The following RAB3GAP2 variants were observed in gnomAD, a reference collection of about 807,000 sequenced individuals.
RAB3GAP2 encodes RAB3 GTPase activating non-catalytic protein subunit 2, also known as rab3 GTPase-activating protein non-catalytic subunit.
A neutral mutation model predicts 185.3 loss-of-function variants in RAB3GAP2; 87 were observed. That is an observed-to-expected ratio of 0.47 (90% CI 0.39 to 0.56). The LOEUF (loss-of-function observed/expected upper bound fraction) is 0.56, where lower values mean the gene tolerates loss of function less well. Among genes scored for constraint, RAB3GAP2 ranks in the 20% least tolerant of loss-of-function variants. The pLI, the probability that RAB3GAP2 is intolerant of heterozygous loss-of-function variation, is 0.00. For missense variants in RAB3GAP2, 1,492 were observed against 1,638.2 expected (o/e 0.91, Z 1.54); for synonymous variants, 554 against 576.1 (o/e 0.96, Z 0.55).
rs1425697185 is a variant in RAB3GAP2, at chr1:220,148,727, TAAA to T, written c.*2521_*2523del. The T allele has an allele frequency of 1.3e-5, 2 of 151,332 alleles. No homozygotes were observed. Among genetic ancestry groups the T allele is most frequent in the Non-Finnish European group, 2.9e-5 (2 of 67,990 alleles). The allele number at this position is 151,332 out of a possible 1,614,324, so 9.4% of individuals were successfully genotyped here. ...TTTGACCATAGATGAAGTTTTATAA[TAAA>T]AGTAAAACTTTTTTTTTCTGTTTGC... On this transcript the variant is annotated 3_prime_UTR_variant, in exon 35 of 35. Transcript: ENST00000358951.
At chr1:220,253,613 A>G (rs1216679929) in intron 1 of RAB3GAP2, 7 of 1,578,464 alleles carry the variant, frequency 4.4e-6, no homozygotes, top group Non-Finnish European at 2.6e-6. Context: ...CAGGAGGGTG[A>G]GCGAGTGCTG....
chr1:220,249,203 T>C (rs1484851714), intron 1 of RAB3GAP2, among the ~76,000 whole-genome samples: 1 of 152,086 alleles, frequency 6.6e-6, no homozygotes, highest in Non-Finnish European at 1.5e-5. Context: ...TTCTAGAGAC[T>C]TGGGGGCTCA....
At chr1:220,193,172 G>T in intron 13 of RAB3GAP2, 68 bp downstream of exon 13, 1 of 1,568,402 alleles carries the variant, frequency 6.4e-7, no homozygotes, top group Non-Finnish European at 8.8e-7. Flanking sequence ...GCTGAAGGAT[G>T]ATAACATTGC....
intron 1 of RAB3GAP2, among the ~76,000 whole-genome samples, chr1:220,262,610 A>G (rs1660161216): frequency 6.6e-6 from 1 of 152,252 alleles, no homozygotes; most frequent in Non-Finnish European, 1.5e-5. Context: ...AGCATAATTT[A>G]ACAAGGTTCA....
intron 23 of RAB3GAP2, 84 bp downstream of exon 23, chr1:220,171,805 C>A (rs895158288): frequency 1.3e-6 from 2 of 1,530,812 alleles, no homozygotes; most frequent in Non-Finnish European, 1.8e-6. Flanking sequence ...CTCCAAAAAA[C>A]CCCCCGAAAA....
intron 1 of RAB3GAP2, among the ~76,000 whole-genome samples, chr1:220,270,342 G>A (rs1190448634): frequency 1.3e-5 from 2 of 152,216 alleles, no homozygotes; most frequent in African/African-American, 4.8e-5. Context: ...CCTTGAGACT[G>A]AACTGACACT....
intron 21 of RAB3GAP2, among the ~76,000 whole-genome samples, chr1:220,180,686 A>G (rs1426503140): frequency 6.6e-6 from 1 of 152,198 alleles, no homozygotes; most frequent in Non-Finnish European, 1.5e-5. Flanking sequence ...TACTCAAACT[A>G]TTTCACAACA....
chr1:220,237,174 A>G (rs1040248379), intron 1 of RAB3GAP2, among the ~76,000 whole-genome samples: 8 of 152,222 alleles, frequency 5.3e-5, no homozygotes, highest in African/African-American at 1.9e-4. Flanking sequence ...CAACTTCTTT[A>G]GGACAGTCTA....
chr1:220,188,484 G>A (rs1458330771), intron 17 of RAB3GAP2, among the ~76,000 whole-genome samples: 1 of 152,144 alleles, frequency 6.6e-6, no homozygotes, highest in Non-Finnish European at 1.5e-5. Flanking sequence ...GGGAGTAAAA[G>A]AAATCACCAG....
At chr1:220,253,693 T>G in intron 1 of RAB3GAP2, 3 of 1,608,348 alleles carry the variant, frequency 1.9e-6, no homozygotes, top group Non-Finnish European at 1.7e-6. Context: ...ACAAGTGAAA[T>G]ACTTCATACA....
chr1:220,193,188 T>G, intron 13 of RAB3GAP2, 52 bp downstream of exon 13: 1 of 1,598,632 alleles, frequency 6.3e-7, no homozygotes. Context: ...ATTGCTCAAC[T>G]ATTGGGGTAA....
At chr1:220,155,891 TA>T (rs1052175456) in intron 31 of RAB3GAP2, among the ~76,000 whole-genome samples, 1 of 152,212 alleles carries the variant, frequency 6.6e-6, no homozygotes, top group African/African-American at 2.4e-5. Flanking sequence ...TTCTCTTTTT[TA>T]ACTTTTAAGT....
In RAB3GAP2 at chr1:220,164,690, C is replaced by A. The variant is rs747955756; in HGVS notation, c.3154+43G>T. On this transcript the variant is annotated intron_variant, in intron 27 of 34. Transcript: ENST00000358951. Reference sequence around the variant, plus strand: ...CACATCCTGTTAAATCAGGAAGCCTCTTTTAGATCAAACAGTGATGTTTCT... The same window carrying A: ...CACATCCTGTTAAATCAGGAAGCCTATTTTAGATCAAACAGTGATGTTTCT... 3.8e-6 allele frequency: 6 copies of A among 1,578,582 alleles called. No individual in the cohort carries two copies. The African/African-American group carries it at 8.1e-5, about 21-fold the overall frequency.
chr1:220,179,844 C>T (rs1298670088), intron 21 of RAB3GAP2, among the ~76,000 whole-genome samples: 2 of 152,050 alleles, frequency 1.3e-5, no homozygotes, highest in Admixed American at 1.3e-4. Flanking sequence ...CATACTAGAA[C>T]AATGGGATGC....
chr1:220,237,263 A>C (rs1659610687), intron 1 of RAB3GAP2, among the ~76,000 whole-genome samples: 1 of 152,230 alleles, frequency 6.6e-6, no homozygotes, highest in Non-Finnish European at 1.5e-5. Flanking sequence ...ATTTCCGTGA[A>C]AGACTAGACT....
chr1:220,151,056 T>C lies in RAB3GAP2; in HGVS notation c.*195A>G. 1 of 560,842 alleles carries C rather than the reference T, an allele frequency of 1.8e-6. No individual in the cohort carries two copies. Among genetic ancestry groups the C allele is most frequent in the Non-Finnish European group, 3.1e-6 (1 of 322,014 alleles). 34.7% of individuals were successfully genotyped at this position (560,842 alleles called of 1,614,324 possible). On this transcript the variant is annotated 3_prime_UTR_variant, in exon 35 of 35. Transcript: ENST00000358951. ...AGAGTTGACATTTGTTTATATTTTA[T>C]CTTCAGTATTAACCAAAGGAGTGGA...
chr1:220,254,458 T>C (rs890371703), intron 1 of RAB3GAP2: 8 of 1,613,430 alleles, frequency 5.0e-6, no homozygotes, highest in African/African-American at 1.3e-5. Flanking sequence ...TTTCCTAAAG[T>C]ACCTGGCAAA....
rs776486279 is a variant in RAB3GAP2, at chr1:220,193,273, C to A, written c.1237G>T (p.Val413Leu). The stretch of plus-strand genomic sequence containing the variant: ...ATGCGTATTGCAATTCCTCTAGCTA[C>A]ATCCAATAAAATAACTCTGCCGAAA... The part of the protein sequence containing the change: ...DDFGRVILLD[V>L]ARGIAIRMWK... The change falls in exon 13 of 35, where the codon GTA (valine) becomes TTA (leucine). Residue 413 changes from valine to leucine, a missense_variant. Around this residue, in one of 5 missense-constraint regions of RAB3GAP2, gnomAD observed 681 missense variants for 689.1 expected, o/e 0.99. Coordinates refer to ENST00000358951, the MANE Select transcript of RAB3GAP2 (RefSeq NM_012414.4). 2 of 1,613,980 alleles carry A rather than the reference C, an allele frequency of 1.2e-6. No individual in the cohort carries two copies. The highest frequency in any genetic ancestry group is 1.7e-6 in the Non-Finnish European group (2 of 1,179,936).
Position 220,151,779 on chromosome 1 carries a change from A to G in RAB3GAP2, c.3868-15T>C. 1 of 1,590,696 alleles carries G rather than the reference A, an allele frequency of 6.3e-7. No individual in the cohort carries two copies. The highest frequency in any genetic ancestry group is 1.1e-5 in the South Asian group (1 of 90,554). The stretch of plus-strand genomic sequence containing the variant: ...TGTAGAATGGCCTGAAGATAGGAAC[A>G]TGGAGAAATAATACAGTCAGAGTGA... On this transcript the variant is annotated splice_polypyrimidine_tract_variant and intron_variant, in intron 33 of 34. Coordinates refer to ENST00000358951, the MANE Select transcript of RAB3GAP2 (RefSeq NM_012414.4).
Sources: gnomAD v4.1 joint callset for allele counts (sites outside exome capture counted in the v4.1 genomes callset) on GRCh38, gnomAD v4.1.1 for gene constraint, gnomAD v4.1.1 regional missense constraint, MANE v1.5 for transcripts, NCBI Gene and HGNC (gene_info 2026-07-23, HGNC 2026-07-21) for gene names.